Variants in KCTD16 observed in about 807,000 individuals in gnomAD.
KCTD16 encodes BTB/POZ domain-containing protein KCTD16.
Under a neutral mutation model 33.2 loss-of-function variants are expected in KCTD16, and 13 were observed. The observed-to-expected ratio is 0.39, with a 90% CI of 0.25 to 0.62. KCTD16 has a LOEUF of 0.62. KCTD16 is among the 20% of genes least tolerant of loss of function. The pLI, the probability that KCTD16 is intolerant of heterozygous loss-of-function variation, is 0.50. For missense variants in KCTD16, 441 were observed against 525.1 expected (o/e 0.84, Z 1.57); for synonymous variants, 197 against 195.3 (o/e 1.01, Z -0.07).
At chr5:144,334,748 A>C (rs1752440788) in intron 3 of KCTD16, among the ~76,000 whole-genome samples, 1 of 152,106 alleles carries the variant, frequency 6.6e-6, no homozygotes, top group African/African-American at 2.4e-5. Flanking sequence ...TGGCAGATAC[A>C]TTCCAGAGCC....
chr5:144,178,161 AT>A (rs1056688964), intron 2 of KCTD16, among the ~76,000 whole-genome samples: 1 of 152,208 alleles, frequency 6.6e-6, no homozygotes, highest in Non-Finnish European at 1.5e-5. Flanking sequence ...AGAGGCCATT[AT>A]GTTTATAAAT....
At position 144,353,980 on chromosome 5, in the gene KCTD16, G is replaced by A. The variant is rs189062264; in HGVS notation, c.833-119680G>A. 7.9e-5 allele frequency among the ~76,000 whole-genome samples: 12 copies of A among 151,964 alleles called. No homozygotes were observed. In the East Asian group the frequency reaches 2.3e-3, roughly 29 times the overall value. On this transcript the variant is annotated intron_variant, in intron 3 of 3. Transcript: ENST00000512467. ...ACTTATATATCACTAAGAGTTTTTT[G>A]AAGAGAGAACAAAGAAACATTTCAC...
rs193214371 is a variant in KCTD16 at position 144,304,797 on chromosome 5, A to G, written c.832+97251A>G. ...TTTGTCCTGAAGGTAAGGAGGGACT[A>G]CTGTGCACTGCAGGTCTGTCACTGT... On this transcript the variant is annotated intron_variant, in intron 3 of 3. Transcript: ENST00000512467. Among the ~76,000 whole-genome samples, 565 of 152,190 alleles carry G rather than the reference A, an allele frequency of 3.7e-3. 4 individuals are homozygous for G. Among genetic ancestry groups the G allele is most frequent in the Middle Eastern group, 0.017 (5 of 294 alleles).
intron 3 of KCTD16, among the ~76,000 whole-genome samples, chr5:144,440,070 A>T (rs1753669507): frequency 1.3e-5 from 2 of 152,206 alleles, no homozygotes; most frequent in African/African-American, 2.4e-5. Flanking sequence ...AACCATGACC[A>T]GGTCAGAAAA....
chr5:144,283,503 T>C (rs1755661983), intron 3 of KCTD16, among the ~76,000 whole-genome samples: 1 of 152,218 alleles, frequency 6.6e-6, no homozygotes, highest in African/African-American at 2.4e-5. Flanking sequence ...TATGTCGCTT[T>C]GGTCAAAAAT....
At chr5:144,286,994 A>G (rs1755763403) in intron 3 of KCTD16, among the ~76,000 whole-genome samples, 1 of 152,238 alleles carries the variant, frequency 6.6e-6, no homozygotes. Context: ...GGGTTTTCCC[A>G]GAAGCAAATA....
chr5:144,224,512 G>A (rs148990736), intron 3 of KCTD16, among the ~76,000 whole-genome samples: 12 of 150,162 alleles, frequency 8.0e-5, no homozygotes, highest in South Asian at 4.2e-4. Context: ...GGGTGTGTTC[G>A]CAAATAATCC....
intron 3 of KCTD16, among the ~76,000 whole-genome samples, chr5:144,230,797 C>A (rs1754079488): frequency 6.6e-6 from 1 of 152,100 alleles, no homozygotes; most frequent in African/African-American, 2.4e-5. Context: ...ATGGAATGAT[C>A]AGGGATATTG....
chr5:144,453,940 G>T (rs941306844), intron 3 of KCTD16, among the ~76,000 whole-genome samples: 6 of 152,144 alleles, frequency 3.9e-5, no homozygotes, highest in African/African-American at 1.2e-4. Context: ...GTGACCTCAT[G>T]TTCAGACTAT....
rs576219810 is a variant in KCTD16 at position 144,450,437 on chromosome 5, C to T, written c.833-23223C>T. Among the ~76,000 whole-genome samples, 13 of 152,146 alleles carry T rather than the reference C, an allele frequency of 8.5e-5. No homozygotes were observed. The South Asian group carries it at 2.7e-3, about 32-fold the overall frequency. On this transcript the variant is annotated intron_variant, in intron 3 of 3. Transcript: ENST00000512467. Reference sequence around the variant, plus strand: ...GAACTATCATATGATCCAGCAATCTCATTTCTGGGCATATATTCAAAATAA... The same window carrying T: ...GAACTATCATATGATCCAGCAATCTTATTTCTGGGCATATATTCAAAATAA...
chr5:144,322,828 A>G (rs72652821), intron 3 of KCTD16, among the ~76,000 whole-genome samples: 4,549 of 152,206 alleles, frequency 0.03, 196 homozygotes, highest in East Asian at 0.2. Flanking sequence ...CATTGTGACC[A>G]GTAAAACGGA....
intron 3 of KCTD16, among the ~76,000 whole-genome samples, chr5:144,469,297 C>A (rs953864186): frequency 3.3e-5 from 5 of 152,192 alleles, no homozygotes; most frequent in African/African-American, 1.2e-4. Context: ...ACAGTATGCG[C>A]TTGTGGTCAC....
chr5:144,452,519 T>C (rs1753968013), intron 3 of KCTD16, among the ~76,000 whole-genome samples: 1 of 150,812 alleles, frequency 6.6e-6, no homozygotes, highest in Non-Finnish European at 1.5e-5. Context: ...AAGAGAGAAA[T>C]AGGGACGAGA....
intron 3 of KCTD16, among the ~76,000 whole-genome samples, chr5:144,361,812 AG>A (rs1475727151): frequency 2.0e-5 from 3 of 152,164 alleles, no homozygotes; most frequent in Non-Finnish European, 4.4e-5. Flanking sequence ...TAGCTAAAAA[AG>A]TCCCATAAAA....
intron 3 of KCTD16, among the ~76,000 whole-genome samples, chr5:144,324,884 C>T (rs1037278348): frequency 7.9e-5 from 12 of 152,146 alleles, no homozygotes; most frequent in Non-Finnish European, 4.4e-5. Context: ...AATGATAACA[C>T]ATGGACACAG....
intron 3 of KCTD16, among the ~76,000 whole-genome samples, chr5:144,378,411 AT>A (rs1031635483): frequency 3.3e-5 from 5 of 152,124 alleles, no homozygotes; most frequent in African/African-American, 1.2e-4. Context: ...AATCAATACT[AT>A]TTTTTATTTC....
At chr5:144,418,995 T>TA (rs1753148933) in intron 3 of KCTD16, among the ~76,000 whole-genome samples, 1 of 152,194 alleles carries the variant, frequency 6.6e-6, no homozygotes, top group Non-Finnish European at 1.5e-5. Flanking sequence ...TGTCTTTAGT[T>TA]ACACAACTCA....
chr5:144,396,027 T>C (rs1752560521), intron 3 of KCTD16, among the ~76,000 whole-genome samples: 1 of 152,220 alleles, frequency 6.6e-6, no homozygotes, highest in African/African-American at 2.4e-5. Flanking sequence ...ACCTAAAATA[T>C]TTATTATCTG....
chr5:144,345,954 A>ATTTTTTT (rs35514283), intron 3 of KCTD16, among the ~76,000 whole-genome samples: 1 of 140,736 alleles, frequency 7.1e-6, no homozygotes, highest in Non-Finnish European at 1.6e-5. Context: ...TATTCATTCT[A>ATTTTTTT]TTTTTTTTTT....
Sources: allele counts gnomAD v4.1 joint callset (sites outside exome capture counted in the v4.1 genomes callset), GRCh38; gene constraint gnomAD v4.1.1; transcripts MANE v1.5; gene names NCBI Gene and HGNC (gene_info 2026-07-23, HGNC 2026-07-21).